THSD7B: variants seen among roughly 807,000 people sequenced by gnomAD.
The protein encoded by THSD7B is thrombospondin type-1 domain-containing protein 7B.
A neutral mutation model predicts 213.6 loss-of-function variants in THSD7B; 138 were observed. The ratio of observed to expected loss-of-function variants is 0.65; its 90% confidence interval spans 0.56 to 0.74. THSD7B has a LOEUF of 0.74. THSD7B is among the 30% of genes least tolerant of loss of function. THSD7B has a pLI of 0.00. For synonymous variants in THSD7B, 742 were observed against 687.0 expected (o/e 1.08, Z -1.25); for missense variants, 1,931 against 1,991.5 (o/e 0.97, Z 0.58).
rs186923202 is a variant in THSD7B, at chr2:137,023,036, A to G, written c.140-33384A>G. 3.3e-5 allele frequency among the ~76,000 whole-genome samples: 5 copies of G among 152,310 alleles called. No individual in the cohort carries two copies. In the East Asian group the frequency reaches 9.7e-4, roughly 29 times the overall value. Reference sequence around the variant, plus strand: ...CACACAAGAAGACAGTTAGCTTTATAAGAATGGCTCTATCAAATATGCTGC... The same window carrying G: ...CACACAAGAAGACAGTTAGCTTTATGAGAATGGCTCTATCAAATATGCTGC... On this transcript the variant is annotated intron_variant, in intron 2 of 27. Transcript: ENST00000409968.
intron 5 of THSD7B, among the ~76,000 whole-genome samples, chr2:137,141,125 A>G (rs1201874677): frequency 6.6e-6 from 1 of 152,056 alleles, no homozygotes; most frequent in Non-Finnish European, 1.5e-5. Context: ...GAGAGGCAGG[A>G]GGGGAGTCTG....
intron 4 of THSD7B, among the ~76,000 whole-genome samples, chr2:137,111,899 C>T (rs1346536950): frequency 1.3e-5 from 2 of 152,162 alleles, no homozygotes; most frequent in Non-Finnish European, 2.9e-5. Flanking sequence ...TGCAACTCCC[C>T]ACATTCCCTT....
At chr2:137,270,683 C>T (rs1021904007) in intron 10 of THSD7B, among the ~76,000 whole-genome samples, 4 of 152,014 alleles carry the variant, frequency 2.6e-5, no homozygotes, top group East Asian at 3.9e-4. Context: ...CCTCTACCCA[C>T]GAGGGCTCCA....
intron 4 of THSD7B, among the ~76,000 whole-genome samples, chr2:137,107,651 A>G (rs1023350404): frequency 2.0e-5 from 3 of 152,134 alleles, no homozygotes; most frequent in Non-Finnish European, 4.4e-5. Flanking sequence ...TTGCTTTTTT[A>G]TTGCATTTGT....
chr2:137,300,249 A>T (rs983768682), intron 12 of THSD7B, among the ~76,000 whole-genome samples: 1 of 152,178 alleles, frequency 6.6e-6, no homozygotes, highest in Non-Finnish European at 1.5e-5. Flanking sequence ...AAGTTAATTT[A>T]TTCCAACTAA....
intron 1 of THSD7B, among the ~76,000 whole-genome samples, chr2:136,781,927 AATC>A (rs947421565): frequency 1.3e-5 from 2 of 152,190 alleles, no homozygotes; most frequent in African/African-American, 4.8e-5. Context: ...CATTTTTGAA[AATC>A]ATCATGCTAT....
chr2:136,795,296 T>C (rs1385005505), intron 1 of THSD7B, among the ~76,000 whole-genome samples: 1 of 151,940 alleles, frequency 6.6e-6, no homozygotes, highest in African/African-American at 2.4e-5. Context: ...ATTCCTTGGC[T>C]CATGGCTGCT....
chr2:137,211,331 TACACACACACAC>T (rs1224147467), intron 7 of THSD7B, among the ~76,000 whole-genome samples: 2 of 6,266 alleles, frequency 3.2e-4, no homozygotes, highest in African/African-American at 6.8e-4. Flanking sequence ...CTATCCTTCC[TACACACACACAC>T]ACACACACAC....
intron 1 of THSD7B, among the ~76,000 whole-genome samples, chr2:136,863,967 A>T (rs918094239): frequency 6.6e-6 from 1 of 152,126 alleles, no homozygotes; most frequent in African/African-American, 2.4e-5. Context: ...TTAAAAGTTG[A>T]TGGTGGCTCT....
At chr2:137,410,302 T>C (rs1686624128) in intron 13 of THSD7B, among the ~76,000 whole-genome samples, 1 of 151,992 alleles carries the variant, frequency 6.6e-6, no homozygotes, top group African/African-American at 2.4e-5. Context: ...AGCATCTTGC[T>C]CTGTCGCCCA....
chr2:137,522,184 C>T (rs1225952839), intron 15 of THSD7B, among the ~76,000 whole-genome samples: 1 of 152,170 alleles, frequency 6.6e-6, no homozygotes, highest in African/African-American at 2.4e-5. Context: ...TATAGTGAAC[C>T]CTTCAAATGC....
chr2:136,858,660 T>G (rs1683212688), intron 1 of THSD7B, among the ~76,000 whole-genome samples: 1 of 152,220 alleles, frequency 6.6e-6, no homozygotes, highest in Non-Finnish European at 1.5e-5. Flanking sequence ...TTTGTTATTA[T>G]TTTTATATTC....
At chr2:136,942,218 G>T (rs1684840182) in intron 2 of THSD7B, among the ~76,000 whole-genome samples, 1 of 152,074 alleles carries the variant, frequency 6.6e-6, no homozygotes, top group Admixed American at 6.5e-5. Flanking sequence ...CTCTGTTTTG[G>T]TACCAGTACC....
chr2:137,061,279 A>G (rs568734409), intron 3 of THSD7B, among the ~76,000 whole-genome samples: 1 of 150,094 alleles, frequency 6.7e-6, no homozygotes, highest in East Asian at 2.0e-4. Flanking sequence ...TTACATAAAT[A>G]AGCATGTCAG....
At chr2:137,058,846 C>T (rs889769472) in intron 3 of THSD7B, among the ~76,000 whole-genome samples, 2 of 152,088 alleles carry the variant, frequency 1.3e-5, no homozygotes, top group Admixed American at 6.6e-5. Flanking sequence ...GTCTGCAAGC[C>T]AGAAGAGAGA....
At chr2:137,009,318 A>T (rs1686178852) in intron 2 of THSD7B, among the ~76,000 whole-genome samples, 2 of 152,184 alleles carry the variant, frequency 1.3e-5, no homozygotes, top group Admixed American at 1.3e-4. Flanking sequence ...GGTCTACAGC[A>T]GTATTTTTCA....
chr2:137,618,558 A>G, intron 19 of THSD7B, 51 bp downstream of exon 19: 3 of 1,519,140 alleles, frequency 2.0e-6, no homozygotes, highest in Non-Finnish European at 2.7e-6. Flanking sequence ...TTTTCTTAAT[A>G]TTGGTCTGCA....
At chr2:136,955,101 T>C (rs1054560022) in intron 2 of THSD7B, among the ~76,000 whole-genome samples, 11 of 152,182 alleles carry the variant, frequency 7.2e-5, no homozygotes, top group Non-Finnish European at 2.9e-5. Flanking sequence ...AGACCAGTTA[T>C]GCTAACAATG....
chr2:136,983,530 C>G (rs942509621), intron 2 of THSD7B, among the ~76,000 whole-genome samples: 4 of 150,412 alleles, frequency 2.7e-5, no homozygotes, highest in African/African-American at 9.8e-5. Flanking sequence ...GAGGAGTATC[C>G]TTAGCATAAA....
Sources: allele counts gnomAD v4.1 joint callset (sites outside exome capture counted in the v4.1 genomes callset), GRCh38; gene constraint gnomAD v4.1.1; transcripts MANE v1.5; gene names NCBI Gene and HGNC (gene_info 2026-07-23, HGNC 2026-07-21).